The following DCAF10 variants were observed in gnomAD, a reference collection of about 807,000 sequenced individuals.
DCAF10 encodes the protein DDB1 and CUL4 associated factor 10.
A neutral mutation model predicts 51.9 loss-of-function variants in DCAF10; 19 were observed. The ratio of observed to expected loss-of-function variants is 0.37; its 90% CI spans 0.26 to 0.54. The LOEUF is 0.54. DCAF10 is among the 20% of genes least tolerant of loss of function. The pLI is 0.87. For missense variants in DCAF10, 510 were observed against 730.6 expected (o/e 0.70, Z 3.48); for synonymous variants, 291 against 297.1 (o/e 0.98, Z 0.21).
At chr9:37,814,428 G>A (rs1396004349) in intron 1 of DCAF10, among the ~76,000 whole-genome samples, 1 of 149,042 alleles carries the variant, frequency 6.7e-6, no homozygotes, top group Admixed American at 6.8e-5. Context: ...GGTTACAGGC[G>A]TGAGCCACCA....
intron 2 of DCAF10, among the ~76,000 whole-genome samples, chr9:37,823,173 GA>G (rs1401742324): frequency 6.6e-6 from 1 of 152,152 alleles, no homozygotes; most frequent in Non-Finnish European, 1.5e-5. Flanking sequence ...TATAGTTATA[GA>G]AAAATATTGG....
rs1828915998 is a variant in DCAF10, at chr9:37,801,068, T to A, written c.202T>A (p.Ser68Thr). The A allele has an allele frequency of 6.5e-7, 1 of 1,531,114 alleles. No homozygotes were observed. Among genetic ancestry groups the A allele is most frequent in the Non-Finnish European group, 8.7e-7 (1 of 1,146,622 alleles). The allele number at this position is 1,531,114 out of a possible 1,614,324, so 94.8% of individuals were successfully genotyped here. The change falls in exon 1 of 7, where the codon TCC becomes ACC. Residue 68 changes from serine (S) to threonine (T), a missense_variant. Ser to Thr is a moderately conservative substitution (Grantham distance 58). This residue lies in a region of DCAF10 where 251 missense variants were observed against 227.9 expected (regional missense o/e 1.10). Transcript: ENST00000377724. The surrounding 1 kb of genome is among the most constrained non-coding windows in gnomAD (Gnocchi z 5.5). The part of the protein sequence containing the change: ...GAPSLSPAPR[S>T]GELGLPGAPE... ...CCCATCGCTGTCCCCGGCCCCGCGC[T>A]CCGGAGAGCTAGGGCTGCCTGGAGC... is the stretch of plus-strand genomic sequence containing the variant.
intron 2 of DCAF10, chr9:37,836,407 G>C (rs1830166189): frequency 6.2e-7 from 1 of 1,600,202 alleles, no homozygotes; most frequent in Admixed American, 1.7e-5. Context: ...TAAAGCCTCA[G>C]GGAGGCCATT....
rs1299031358 is a variant in DCAF10, at chr9:37,867,067, G to A, written c.*5559G>A. On this transcript the variant is annotated 3_prime_UTR_variant, in exon 7 of 7. Coordinates refer to ENST00000377724, the MANE Select transcript of DCAF10 (RefSeq NM_024345.5). ...TATTCTAGAAATGATTCCAAATCAT[G>A]TCCTAAGAATTTCTCCCATTCAAAT... 2 of 152,050 alleles carry A rather than the reference G, an allele frequency of 1.3e-5. No individual in the cohort carries two copies. Among genetic ancestry groups the A allele is most frequent in the African/African-American group, 4.8e-5 (2 of 41,406 alleles). 9.4% of individuals were successfully genotyped at this position (152,050 alleles called of 1,614,324 possible).
At chr9:37,802,897 T>G (rs1829001804) in intron 1 of DCAF10, among the ~76,000 whole-genome samples, 1 of 152,200 alleles carries the variant, frequency 6.6e-6, no homozygotes, top group African/African-American at 2.4e-5. Flanking sequence ...AATATTCAGT[T>G]TCTCTCTTCA....
chr9:37,810,265 G>A (rs904136907), intron 1 of DCAF10, among the ~76,000 whole-genome samples: 2 of 152,110 alleles, frequency 1.3e-5, no homozygotes, highest in Admixed American at 6.5e-5. Flanking sequence ...AATATTTAAT[G>A]TAAGATATAG....
chr9:37,805,485 A>G (rs1328372283), intron 1 of DCAF10, among the ~76,000 whole-genome samples: 2 of 152,186 alleles, frequency 1.3e-5, no homozygotes, highest in African/African-American at 4.8e-5. Flanking sequence ...CTCCATCTCA[A>G]AGTAAAATAA....
chr9:37,811,710 T>C (rs757012288), intron 1 of DCAF10, among the ~76,000 whole-genome samples: 10 of 152,002 alleles, frequency 6.6e-5, no homozygotes, highest in South Asian at 2.1e-4. Flanking sequence ...AAATGGGACA[T>C]AGAGATTAAG....
At chr9:37,816,312 C>T (rs535078650) in intron 1 of DCAF10, among the ~76,000 whole-genome samples, 5 of 152,236 alleles carry the variant, frequency 3.3e-5, no homozygotes, top group Admixed American at 6.5e-5. Flanking sequence ...TTTTGGGCCA[C>T]GCGCGATGGC....
intron 4 of DCAF10, among the ~76,000 whole-genome samples, chr9:37,856,262 C>A (rs1018942921): frequency 6.6e-6 from 1 of 152,202 alleles, no homozygotes; most frequent in Non-Finnish European, 1.5e-5. Context: ...CAGTGCCTGG[C>A]ATAACTGTCA....
rs889819785 is a variant in DCAF10 at position 37,836,067 on chromosome 9, G to A, written c.654-6022G>A. 30 of 1,149,978 alleles carry A rather than the reference G, an allele frequency of 2.6e-5. No homozygotes were observed. In the Admixed American group the frequency reaches 5.1e-4, roughly 19 times the overall value. The allele number at this position is 1,149,978 out of a possible 1,614,324, so 71.2% of individuals were successfully genotyped here. A position where few individuals can be genotyped will look rare whatever the true frequency, so the allele number is the denominator to read the frequency against. On this transcript the variant is annotated intron_variant, in intron 2 of 6. Transcript: ENST00000377724. ...CGGTAAGGCTGTATTGGACAGTTAT[G>A]AATATTTTGCTGTGCTTGATGCTAA...
chr9:37,855,532 T>C (rs901537684), intron 4 of DCAF10, among the ~76,000 whole-genome samples: 1 of 152,164 alleles, frequency 6.6e-6, no homozygotes, highest in African/African-American at 2.4e-5. Flanking sequence ...TTCAGAAAAA[T>C]GTACGTATTG....
At chr9:37,830,730 T>G (rs1392150454) in intron 2 of DCAF10, among the ~76,000 whole-genome samples, 1 of 152,248 alleles carries the variant, frequency 6.6e-6, no homozygotes, top group East Asian at 1.9e-4. Context: ...AAGATAAGAC[T>G]TGTGCCAAGT....
intron 4 of DCAF10, among the ~76,000 whole-genome samples, chr9:37,856,539 C>T (rs1830854118): frequency 6.6e-6 from 1 of 152,112 alleles, no homozygotes; most frequent in South Asian, 2.1e-4. Context: ...GGTATGGGAC[C>T]ACTAGCAAAA....
At chr9:37,827,294 A>G (rs1227110716) in intron 2 of DCAF10, among the ~76,000 whole-genome samples, 1 of 152,162 alleles carries the variant, frequency 6.6e-6, no homozygotes, top group African/African-American at 2.4e-5. Flanking sequence ...CAGATTGGTG[A>G]TGAAAATATG....
At chr9:37,831,634 T>TA (rs1159229718) in intron 2 of DCAF10, among the ~76,000 whole-genome samples, 1 of 152,110 alleles carries the variant, frequency 6.6e-6, no homozygotes, top group Non-Finnish European at 1.5e-5. Flanking sequence ...TCTTGTAAAA[T>TA]AAAAAAATAA....
Position 37,801,257 on chromosome 9 carries a change from A to T in DCAF10, c.391A>T (p.Ser131Cys). 1.3e-6 allele frequency: 2 copies of T among 1,590,640 alleles called. No homozygotes were observed. Among genetic ancestry groups the T allele is most frequent in the Non-Finnish European group, 1.7e-6 (2 of 1,171,420 alleles). Residue 131 changes from serine (S) to cysteine (C), a missense_variant, in exon 1 of 7, where the codon AGC becomes TGC. By Grantham distance (112) the Ser-to-Cys change is moderately radical (BLOSUM62 -1). Transcript: ENST00000377724. The surrounding 1 kb of genome is among the most constrained non-coding windows in gnomAD (Gnocchi z 5.5). ...GCTGTTCGGGTGGCTGAAAGAGCGC[A>T]GCCTGGGCCGCGGGCTGTTCGTGGA... ...ARLFGWLKER[S>C]LGRGLFVDPA...
intron 6 of DCAF10, among the ~76,000 whole-genome samples, chr9:37,860,777 C>G (rs1403893879): frequency 1.3e-5 from 2 of 152,024 alleles, no homozygotes; most frequent in Admixed American, 6.6e-5. Flanking sequence ...AAGAGAAGAG[C>G]CTTTGAATTG....
chr9:37,846,406 CAGAT>C (rs1376408302), intron 3 of DCAF10, among the ~76,000 whole-genome samples: 1 of 152,088 alleles, frequency 6.6e-6, no homozygotes, highest in East Asian at 1.9e-4. Context: ...CACAGATGAA[CAGAT>C]AGACACCTAA....
Sources: gnomAD v4.1 joint callset for allele counts (sites outside exome capture counted in the v4.1 genomes callset) on GRCh38, gnomAD v4.1.1 for gene constraint, gnomAD v4.1.1 regional missense constraint, Gnocchi (gnomAD v3.1) non-coding constraint, MANE v1.5 for transcripts, NCBI Gene and HGNC (gene_info 2026-07-23, HGNC 2026-07-21) for gene names.